OLA1: variants seen among roughly 807,000 people sequenced by gnomAD.
OLA1 encodes the protein obg-like ATPase 1.
In OLA1, 14 loss-of-function variants were observed where a neutral mutation model predicts 48.4. The ratio of observed to expected loss-of-function variants is 0.29; its 90% confidence interval spans 0.19 to 0.45. The LOEUF is 0.45. Ranked by LOEUF, OLA1 falls within the 20% of genes least tolerant of loss-of-function variation. The pLI, the probability that OLA1 is intolerant of heterozygous loss-of-function variation, is 1.00. For synonymous variants in OLA1, 127 were observed against 150.4 expected (o/e 0.84, Z 1.14); for missense variants, 325 against 467.1 (o/e 0.70, Z 2.80).
chr2:174,218,279 G>A (rs371933946), intron 4 of OLA1, among the ~76,000 whole-genome samples: 5 of 151,810 alleles, frequency 3.3e-5, no homozygotes, highest in East Asian at 3.9e-4. Context: ...GTGACCCTCC[G>A]ATAAATGAAG....
intron 5 of OLA1, among the ~76,000 whole-genome samples, chr2:174,136,186 A>C (rs1686306004): frequency 6.6e-6 from 1 of 152,174 alleles, no homozygotes; most frequent in African/African-American, 2.4e-5. Context: ...AAATATGAAA[A>C]CAACGAAGTT....
At chr2:174,229,174 C>T in intron 3 of OLA1, 134 bp downstream of exon 3, 1 of 918,186 alleles carries the variant, frequency 1.1e-6, no homozygotes, top group Non-Finnish European at 1.7e-6. Flanking sequence ...GCACCCAGCC[C>T]TCTGCATGAC....
At chr2:174,200,617 T>C (rs748239936) in intron 4 of OLA1, among the ~76,000 whole-genome samples, 4 of 152,162 alleles carry the variant, frequency 2.6e-5, no homozygotes, top group African/African-American at 7.2e-5. Context: ...TATGGATAAC[T>C]GCAATGGACG....
chr2:174,098,491 C>T (rs1460088608), intron 7 of OLA1, among the ~76,000 whole-genome samples: 4 of 151,902 alleles, frequency 2.6e-5, no homozygotes, highest in Admixed American at 6.6e-5. Flanking sequence ...AAGAATTTTA[C>T]AAAAAGAATT....
chr2:174,173,636 A>G (rs527809414), intron 4 of OLA1, among the ~76,000 whole-genome samples: 1 of 152,136 alleles, frequency 6.6e-6, no homozygotes, highest in African/African-American at 2.4e-5. Context: ...AATAGGTAGA[A>G]AGAAGGAAAT....
intron 7 of OLA1, among the ~76,000 whole-genome samples, chr2:174,086,023 C>T (rs1684968682): frequency 6.6e-6 from 1 of 151,896 alleles, no homozygotes; most frequent in Admixed American, 6.6e-5. Flanking sequence ...GCAGATATTT[C>T]TAAGGGAGTC....
chr2:174,146,632 A>C (rs1381686082), intron 4 of OLA1, among the ~76,000 whole-genome samples: 4 of 152,206 alleles, frequency 2.6e-5, no homozygotes, highest in Non-Finnish European at 4.4e-5. Flanking sequence ...TTGGCAAGAG[A>C]CTGAGAAGGA....
At chr2:174,187,034 T>A (rs1687671563) in intron 4 of OLA1, among the ~76,000 whole-genome samples, 1 of 152,188 alleles carries the variant, frequency 6.6e-6, no homozygotes, top group East Asian at 1.9e-4. Context: ...AGTGAACACA[T>A]GCCATTTAAT....
intron 7 of OLA1, among the ~76,000 whole-genome samples, chr2:174,119,658 T>C (rs1321229591): frequency 6.6e-6 from 1 of 152,054 alleles, no homozygotes; most frequent in Non-Finnish European, 1.5e-5. Flanking sequence ...TTAGTTGTTA[T>C]GTACAAATTA....
At chr2:174,141,760 T>TA in intron 5 of OLA1, 65 bp downstream of exon 5, 1 of 1,252,780 alleles carries the variant, frequency 8.0e-7, no homozygotes, top group Non-Finnish European at 1.1e-6. Flanking sequence ...TATGCATTAT[T>TA]TAAAAAATTT....
intron 7 of OLA1, among the ~76,000 whole-genome samples, chr2:174,114,328 C>A (rs112696413): frequency 1.7e-4 from 17 of 98,560 alleles, no homozygotes; most frequent in African/African-American, 6.9e-4. Flanking sequence ...GGCGACAGAG[C>A]AAGACTCCGC....
chr2:174,163,646 C>T (rs971754020), intron 4 of OLA1, among the ~76,000 whole-genome samples: 11 of 145,514 alleles, frequency 7.6e-5, no homozygotes, highest in Non-Finnish European at 1.4e-4. Context: ...GCTGAGATCG[C>T]GCCATTGCAC....
At chr2:174,202,750 G>A (rs1297325277) in intron 4 of OLA1, among the ~76,000 whole-genome samples, 1 of 152,166 alleles carries the variant, frequency 6.6e-6, no homozygotes, top group African/African-American at 2.4e-5. Flanking sequence ...GTACAGTACT[G>A]TAAATTATTT....
In OLA1 at chr2:174,072,638, G is replaced by A. The variant is rs1042071555; in HGVS notation, c.*2788C>T. 5 of 152,198 alleles carry A rather than the reference G, an allele frequency of 3.3e-5. No individual in the cohort carries two copies. Among genetic ancestry groups the A allele is most frequent in the African/African-American group, 1.2e-4 (5 of 41,438 alleles). The allele number at this position is 152,198 out of a possible 1,614,324, so 9.4% of individuals were successfully genotyped here. The stretch of plus-strand genomic sequence containing the variant: ...AACAATAGAAGAGGCAGGAGGAGGA[G>A]ATACCGTCTCTGACTCTCTGAATGA... On this transcript the variant is annotated 3_prime_UTR_variant, in exon 11 of 11. Transcript: ENST00000284719.
At chr2:174,207,021 T>C (rs1688129278) in intron 4 of OLA1, among the ~76,000 whole-genome samples, 1 of 152,214 alleles carries the variant, frequency 6.6e-6, no homozygotes, top group African/African-American at 2.4e-5. Context: ...AACTTTTAAA[T>C]GATGTGCTTA....
chr2:174,234,865 A>G (rs1688809057), intron 2 of OLA1, among the ~76,000 whole-genome samples: 1 of 152,220 alleles, frequency 6.6e-6, no homozygotes. Flanking sequence ...CTCATTTAAA[A>G]TTTTAAAACT....
At chr2:174,143,726 C>T (rs533048840) in intron 4 of OLA1, among the ~76,000 whole-genome samples, 1 of 152,202 alleles carries the variant, frequency 6.6e-6, no homozygotes, top group African/African-American at 2.4e-5. Context: ...AAACAAAGCC[C>T]TCTGATGATC....
intron 9 of OLA1, among the ~76,000 whole-genome samples, chr2:174,079,512 A>G (rs1457003597): frequency 6.6e-6 from 1 of 152,006 alleles, no homozygotes; most frequent in Non-Finnish European, 1.5e-5. Flanking sequence ...CAATATACAA[A>G]GGGACATTTT....
rs565273170 is a variant in OLA1 at position 174,143,849 on chromosome 2, A to AACAC, written c.374-1850_374-1849insGTGT. Reference sequence around the variant, plus strand: ...TTGGGTGTGGTGGCTCACACCTGTAATCCCAGCACTTTGGGTGGCCAAGGT... The same window carrying AACAC: ...TTGGGTGTGGTGGCTCACACCTGTAAACACTCCCAGCACTTTGGGTGGCCAAGGT... On this transcript the variant is annotated intron_variant, in intron 4 of 10. Coordinates refer to ENST00000284719, the MANE Select transcript of OLA1 (RefSeq NM_013341.5). Among the ~76,000 whole-genome samples the AACAC allele has an allele frequency of 1.5e-4, 21 of 143,338 alleles. No individual in the cohort carries two copies. In the South Asian group the frequency reaches 4.6e-3, roughly 31 times the overall value. The allele number at this position is 143,338 out of a possible 152,430, so 94.0% of individuals were successfully genotyped here. A position where few individuals can be genotyped will look rare whatever the true frequency, so the allele number is the denominator to read the frequency against.
Sources: gnomAD v4.1 joint callset for allele counts (sites outside exome capture counted in the v4.1 genomes callset) on GRCh38, gnomAD v4.1.1 for gene constraint, MANE v1.5 for transcripts, NCBI Gene and HGNC (gene_info 2026-07-23, HGNC 2026-07-21) for gene names.